Variants in F8 observed in about 807,000 individuals in gnomAD.
F8 encodes the protein antihemophilic factor.
F8 carries 12 observed loss-of-function variants against 140.6 expected under a neutral mutation model. That is an observed-to-expected ratio of 0.09 (90% CI 0.05 to 0.14). The LOEUF is 0.14. Among genes scored for constraint, F8 ranks in the 10% least tolerant of loss-of-function variants. F8 has a pLI of 1.00. For missense variants in F8, 1,354 were observed against 1,720.7 expected, an observed-to-expected ratio of 0.79 and a Z score of 3.77; for synonymous variants, 585 against 614.6, an observed-to-expected ratio of 0.95 and a Z score of 0.71.
At chrX:154,982,142 C>T (rs1416443781) in intron 6 of F8, among the ~76,000 whole-genome samples, 1 of 107,819 alleles carries the variant, frequency 9.3e-6, no homozygotes, top group Non-Finnish European at 1.9e-5. Context: ...TCAGATTGTG[C>T]CACTGCACTC....
chrX:154,842,138 A>G (rs782136090), intron 25 of F8, among the ~76,000 whole-genome samples: 31 of 111,822 alleles, frequency 2.8e-4, no homozygotes, highest in South Asian at 1.1e-3. Context: ...ATTTAATATT[A>G]ATAAGTATCC....
chrX:154,871,390 C>A (rs782709419), intron 22 of F8, among the ~76,000 whole-genome samples: 2 of 111,919 alleles, frequency 1.8e-5, no homozygotes, highest in Non-Finnish European at 3.8e-5. Flanking sequence ...AGAAATAACA[C>A]CACACAGTTA....
Position 154,901,100 on chromosome X carries a change from C to G in F8, c.6187+271G>C, listed in dbSNP as rs782072386. On this transcript the variant is annotated intron_variant, in intron 20 of 25. Transcript: ENST00000360256. ...GCTCATAGGAAAGTATAGCTTCCTG[C>G]TGCACTGAAAAGAATTGACTCAAGG... Among the ~76,000 whole-genome samples, 3 of 111,937 alleles carry G rather than the reference C, an allele frequency of 2.7e-5. No homozygotes were observed. The East Asian group carries it at 8.3e-4, about 31-fold the overall frequency.
intron 14 of F8, among the ~76,000 whole-genome samples, chrX:154,916,019 T>A (rs1297513599): frequency 2.7e-5 from 3 of 112,363 alleles, no homozygotes; most frequent in African/African-American, 9.7e-5. Flanking sequence ...CATGAAGGGA[T>A]GTTGAATTTT....
chrX:154,947,552 T>C (rs1321407860), intron 13 of F8, 146 bp downstream of exon 13: 4 of 516,937 alleles, frequency 7.7e-6, no homozygotes, highest in Non-Finnish European at 1.4e-5. Flanking sequence ...GTGAAAATAA[T>C]AACTACTCAG....
intron 9 of F8, among the ~76,000 whole-genome samples, chrX:154,964,892 G>A (rs2073415763): frequency 9.0e-6 from 1 of 111,432 alleles, no homozygotes; most frequent in African/African-American, 3.3e-5. Flanking sequence ...ATATCATAAA[G>A]GAGTTAAAGT....
At chrX:154,947,940 A>G (rs2124082540) in intron 12 of F8, 33 bp from the exon 13 acceptor site, 1 of 1,065,760 alleles carries the variant, frequency 9.4e-7, no homozygotes, top group Non-Finnish European at 1.3e-6. Flanking sequence ...AGATTTAGAC[A>G]CATCACAGAT....
At chrX:154,933,019 G>A (rs1045882836) in intron 13 of F8, among the ~76,000 whole-genome samples, 31 of 111,829 alleles carry the variant, frequency 2.8e-4, no homozygotes, top group African/African-American at 8.5e-4. Context: ...TCCCCTCTGA[G>A]AGGGGCCTGG....
chrX:154,852,147 G>A (rs1455068438), intron 25 of F8, among the ~76,000 whole-genome samples: 2 of 111,543 alleles, frequency 1.8e-5, no homozygotes, highest in Non-Finnish European at 3.8e-5. Context: ...ATGGCTCACT[G>A]CAGCCTCCAC....
At chrX:154,849,798 T>C (rs2072599631) in intron 25 of F8, among the ~76,000 whole-genome samples, 1 of 111,506 alleles carries the variant, frequency 9.0e-6, no homozygotes, top group Admixed American at 9.6e-5. Flanking sequence ...ATATTTTTTC[T>C]TCTACCATTT....
At chrX:154,994,490 GC>G (rs1384474705) in intron 3 of F8, among the ~76,000 whole-genome samples, 2 of 112,260 alleles carry the variant, frequency 1.8e-5, no homozygotes, top group African/African-American at 6.5e-5. Context: ...GGTTGTTTAG[GC>G]CCATAGTCTC....
intron 21 of F8, among the ~76,000 whole-genome samples, chrX:154,898,998 G>C (rs906118122): frequency 2.7e-5 from 3 of 111,701 alleles, no homozygotes; most frequent in Admixed American, 1.9e-4. Context: ...ACAGACACAG[G>C]GTGGCCAAAT....
At chrX:154,896,516 C>T (rs1314703398) in intron 21 of F8, among the ~76,000 whole-genome samples, 4 of 109,046 alleles carry the variant, frequency 3.7e-5, no homozygotes, top group Non-Finnish European at 5.7e-5. Context: ...TACACACACA[C>T]ACACACACAC....
intron 19 of F8, 99 bp from the exon 20 acceptor site, chrX:154,901,541 T>C (rs930641565): frequency 2.6e-5 from 16 of 610,312 alleles, no homozygotes; most frequent in Admixed American, 1.1e-4. Flanking sequence ...CAAATGCTAT[T>C]TTTTAGTGTT....
chrX:154,990,287 A>T (rs1020571769), intron 4 of F8, among the ~76,000 whole-genome samples: 4 of 111,338 alleles, frequency 3.6e-5, no homozygotes, highest in African/African-American at 1.3e-4. Flanking sequence ...AGTTATTTGA[A>T]TATTTTTGAT....
chrX:154,935,705 C>G (rs2073220410), intron 13 of F8, among the ~76,000 whole-genome samples: 1 of 110,951 alleles, frequency 9.0e-6, no homozygotes, highest in Non-Finnish European at 1.9e-5. Flanking sequence ...ATGAGTTCAT[C>G]AATTAACTCA....
chrX:154,863,591 C>T (rs782798286), intron 22 of F8, among the ~76,000 whole-genome samples: 4 of 111,136 alleles, frequency 3.6e-5, no homozygotes, highest in Admixed American at 9.5e-5. Flanking sequence ...ATCAGGAGAA[C>T]GGTATCAGTG....
intron 13 of F8, among the ~76,000 whole-genome samples, chrX:154,939,325 C>T (rs904004111): frequency 2.7e-5 from 3 of 112,311 alleles, no homozygotes; most frequent in African/African-American, 9.7e-5. Context: ...CCTAATACTG[C>T]GCTCTTCCAA....
intron 25 of F8, among the ~76,000 whole-genome samples, chrX:154,847,445 T>C (rs1557271821): frequency 8.9e-6 from 1 of 112,341 alleles, no homozygotes; most frequent in Non-Finnish European, 1.9e-5. Context: ...TTTGGTCTTT[T>C]CACATAGTCC....
Sources: gnomAD v4.1 joint callset for allele counts (sites outside exome capture counted in the v4.1 genomes callset) on GRCh38, gnomAD v4.1.1 for gene constraint, MANE v1.5 for transcripts, NCBI Gene and HGNC (gene_info 2026-07-23, HGNC 2026-07-21) for gene names.